The following NEK11 variants were observed in gnomAD, a reference collection of about 807,000 sequenced individuals.
NEK11 encodes the protein serine/threonine-protein kinase Nek11.
In NEK11, 72 loss-of-function variants were observed where a neutral mutation model predicts 80.7. That is an observed-to-expected ratio of 0.89 (90% confidence interval 0.74 to 1.08). The LOEUF (loss-of-function observed/expected upper bound fraction) is 1.08. Ranked by LOEUF, NEK11 falls within the 50% of genes least tolerant of loss-of-function variation. NEK11 has a pLI of 0.00. For missense variants in NEK11, 764 were observed against 763.6 expected (o/e 1.00, Z -0.01); for synonymous variants, 251 against 260.7 (o/e 0.96, Z 0.36).
intron 3 of NEK11, among the ~76,000 whole-genome samples, chr3:131,078,825 T>A (rs942696012): frequency 1.3e-5 from 2 of 151,508 alleles, no homozygotes; most frequent in African/African-American, 4.8e-5. Flanking sequence ...CTCCAGTTTT[T>A]GGCTGTATAG....
intron 16 of NEK11, among the ~76,000 whole-genome samples, chr3:131,261,228 T>A (rs1472401539): frequency 1.3e-5 from 2 of 152,180 alleles, no homozygotes; most frequent in African/African-American, 4.8e-5. Context: ...TGCTTTGCAC[T>A]TTTAGGAAAC....
intron 3 of NEK11, among the ~76,000 whole-genome samples, chr3:131,036,408 G>A (rs1577259355): frequency 6.6e-6 from 1 of 152,198 alleles, no homozygotes; most frequent in Non-Finnish European, 1.5e-5. Flanking sequence ...TTGGTCTGGG[G>A]TATGGCCAAG....
At chr3:131,196,829 T>G (rs2094030973) in intron 14 of NEK11, among the ~76,000 whole-genome samples, 1 of 148,898 alleles carries the variant, frequency 6.7e-6, no homozygotes, top group South Asian at 2.1e-4. Context: ...GCCACAAAAT[T>G]TCTTTTCTTT....
intron 17 of NEK11, among the ~76,000 whole-genome samples, chr3:131,295,258 T>G (rs1490926662): frequency 2.0e-5 from 3 of 152,106 alleles, no homozygotes; most frequent in African/African-American, 7.2e-5. Context: ...ATCCCTTATC[T>G]GAAATGCTTA....
intron 14 of NEK11, among the ~76,000 whole-genome samples, chr3:131,217,778 A>C (rs768875710): frequency 5.3e-5 from 8 of 152,190 alleles, no homozygotes; most frequent in Non-Finnish European, 1.2e-4. Flanking sequence ...TATTTTTCTA[A>C]ATACAATTTC....
At chr3:131,033,465 G>A (rs1447529367) in intron 3 of NEK11, among the ~76,000 whole-genome samples, 1 of 152,078 alleles carries the variant, frequency 6.6e-6, no homozygotes, top group South Asian at 2.1e-4. Flanking sequence ...GAGCTCATAA[G>A]GAAGGTATCA....
At chr3:131,129,507 T>C (rs1278773936) in intron 5 of NEK11, among the ~76,000 whole-genome samples, 2 of 152,256 alleles carry the variant, frequency 1.3e-5, no homozygotes, top group African/African-American at 2.4e-5. Flanking sequence ...TTTGGTGTTA[T>C]ATTTAAAAAG....
Position 131,170,901 on chromosome 3 carries a change from T to C in NEK11, c.1399+14T>C, listed in dbSNP as rs760001539. 5.0e-6 allele frequency: 8 copies of C among 1,584,704 alleles called. No homozygotes were observed. The highest frequency in any genetic ancestry group is 6.9e-6 in the Non-Finnish European group (8 of 1,153,194). On this transcript the variant is annotated intron_variant, in intron 14 of 17. Coordinates refer to ENST00000383366, the MANE Select transcript of NEK11 (RefSeq NM_024800.5). Reference sequence around the variant, plus strand: ...TTGGATACCATGGTATGTGTTTGCATTGATTTTCAGAAGGATGCTCACAGC... The same window carrying C: ...TTGGATACCATGGTATGTGTTTGCACTGATTTTCAGAAGGATGCTCACAGC...
intron 17 of NEK11, among the ~76,000 whole-genome samples, chr3:131,288,438 A>ATTTC (rs144767629): frequency 2.0e-4 from 20 of 102,172 alleles, no homozygotes; most frequent in Admixed American, 1.8e-3. Flanking sequence ...TATGGTATGC[A>ATTTC]TTTCTTTCTT....
intron 14 of NEK11, among the ~76,000 whole-genome samples, chr3:131,215,190 G>GC (rs1333595415): frequency 1.3e-5 from 2 of 149,144 alleles, no homozygotes; most frequent in Admixed American, 1.4e-4. Context: ...ACCAAACACC[G>GC]CATGTTCTCA....
chr3:131,193,679 C>A (rs769002876), intron 14 of NEK11, among the ~76,000 whole-genome samples: 1 of 152,090 alleles, frequency 6.6e-6, no homozygotes, highest in Non-Finnish European at 1.5e-5. Context: ...TACATTCTTA[C>A]TGAGATTATG....
intron 17 of NEK11, among the ~76,000 whole-genome samples, chr3:131,337,707 A>T (rs2097210666): frequency 6.6e-6 from 1 of 152,144 alleles, no homozygotes; most frequent in African/African-American, 2.4e-5. Flanking sequence ...CTTCATTTAT[A>T]AAGGAAGACA....
At chr3:131,303,928 A>C (rs889602791) in intron 17 of NEK11, among the ~76,000 whole-genome samples, 1 of 152,074 alleles carries the variant, frequency 6.6e-6, no homozygotes. Context: ...TTTATAGACA[A>C]TATCCTTAAA....
At chr3:131,119,658 A>G (rs2082015337) in intron 5 of NEK11, among the ~76,000 whole-genome samples, 1 of 152,106 alleles carries the variant, frequency 6.6e-6, no homozygotes, top group Non-Finnish European at 1.5e-5. Context: ...GTTCTCCTGT[A>G]TTGGGTGTAT....
chr3:131,207,372 A>C (rs1203026543), intron 14 of NEK11, among the ~76,000 whole-genome samples: 2 of 152,166 alleles, frequency 1.3e-5, no homozygotes, highest in Admixed American at 6.5e-5. Context: ...TCACGAGGTC[A>C]GGAGATCGAG....
chr3:131,028,044 C>G (rs2064166519), intron 2 of NEK11, 42 bp downstream of exon 2: 1 of 152,142 alleles, frequency 6.6e-6, no homozygotes, highest in Admixed American at 6.5e-5. Context: ...TATGGCCAGA[C>G]GGCATCACTT....
At chr3:131,053,423 GA>G (rs1184049210) in intron 3 of NEK11, 1 of 152,200 alleles carries the variant, frequency 6.6e-6, no homozygotes, top group East Asian at 1.9e-4. Flanking sequence ...TAAATCTGAA[GA>G]AATCTTTTTA....
intron 3 of NEK11, among the ~76,000 whole-genome samples, chr3:131,065,685 A>G (rs2071792296): frequency 6.6e-6 from 1 of 152,046 alleles, no homozygotes; most frequent in African/African-American, 2.4e-5. Flanking sequence ...CTCATCTTAG[A>G]TTTGAGGATT....
intron 4 of NEK11, among the ~76,000 whole-genome samples, chr3:131,108,381 A>T (rs2079532224): frequency 6.6e-6 from 1 of 152,102 alleles, no homozygotes; most frequent in Non-Finnish European, 1.5e-5. Flanking sequence ...CCCCATGAAT[A>T]TGATAAGGAC....
Sources: allele counts gnomAD v4.1 joint callset (sites outside exome capture counted in the v4.1 genomes callset), GRCh38; gene constraint gnomAD v4.1.1; transcripts MANE v1.5; gene names NCBI Gene and HGNC (gene_info 2026-07-23, HGNC 2026-07-21).